Variants in SESTD1 observed in about 807,000 individuals in gnomAD.
SESTD1 encodes the protein SEC14 domain and spectrin repeat-containing protein 1.
SESTD1 carries 43 observed loss-of-function variants against 101.7 expected under a neutral mutation model. The observed-to-expected ratio is 0.42, with a 90% confidence interval of 0.33 to 0.55. The LOEUF is 0.55. Ranked by LOEUF, SESTD1 falls within the 20% of genes least tolerant of loss-of-function variation. The probability of loss-of-function intolerance (pLI) is 0.07; values close to 1 mark genes in which losing one functional copy is unlikely to be tolerated. For missense variants in SESTD1, 647 were observed against 815.1 expected (o/e 0.79, Z 2.51); for synonymous variants, 283 against 286.8 (o/e 0.99, Z 0.13).
intron 10 of SESTD1, among the ~76,000 whole-genome samples, chr2:179,126,212 T>C (rs2044870612): frequency 6.6e-6 from 1 of 152,220 alleles, no homozygotes; most frequent in Admixed American, 6.5e-5. Context: ...TTTTAATCCA[T>C]TCCAATCAGG....
rs141007533 is a variant in SESTD1 at position 179,207,271 on chromosome 2, C to T, written c.-25-15405G>A. On this transcript the variant is annotated intron_variant, in intron 1 of 17. Coordinates refer to ENST00000428443, the MANE Select transcript of SESTD1 (RefSeq NM_178123.5). ...TTGAAAGTGCCACCTCCTGGCTGGA[C>T]GCCAACCAAGTCAAGCCATTACAGT... is the stretch of plus-strand genomic sequence containing the variant. 7.6e-4 allele frequency among the ~76,000 whole-genome samples: 102 copies of T among 135,088 alleles called. 20 individuals are homozygous for T. Among genetic ancestry groups the T allele is most frequent in the Non-Finnish European group, 1.2e-3 (77 of 62,724 alleles). The allele number at this position is 135,088 out of a possible 152,430, so 88.6% of individuals were successfully genotyped here. A position where few individuals can be genotyped will look rare whatever the true frequency, so the allele number is the denominator to read the frequency against.
At chr2:179,126,793 C>T (rs1559102073) in intron 10 of SESTD1, among the ~76,000 whole-genome samples, 1 of 152,048 alleles carries the variant, frequency 6.6e-6, no homozygotes, top group Non-Finnish European at 1.5e-5. Flanking sequence ...GATTCACTAT[C>T]CTCCCAACCT....
chr2:179,227,035 C>T (rs767448208), intron 1 of SESTD1, among the ~76,000 whole-genome samples: 1 of 152,186 alleles, frequency 6.6e-6, no homozygotes, highest in Non-Finnish European at 1.5e-5. Context: ...GGGACATTTA[C>T]TGAAATATTC....
intron 13 of SESTD1, among the ~76,000 whole-genome samples, chr2:179,118,095 C>CA (rs145112169): frequency 0.065 from 9,840 of 152,168 alleles, 344 homozygotes; most frequent in Middle Eastern, 0.13. Context: ...CCCAGCCTCC[C>CA]AAGTAGCTAA....
intron 5 of SESTD1, among the ~76,000 whole-genome samples, chr2:179,151,670 A>G (rs2045533876): frequency 6.6e-6 from 1 of 152,170 alleles, no homozygotes; most frequent in Non-Finnish European, 1.5e-5. Context: ...GTTTCTTTGT[A>G]ATAAAAATCA....
intron 9 of SESTD1, among the ~76,000 whole-genome samples, chr2:179,136,289 C>T (rs2045143160): frequency 6.6e-6 from 1 of 152,118 alleles, no homozygotes; most frequent in Non-Finnish European, 1.5e-5. Flanking sequence ...TAATTGTTAG[C>T]CTCTATGCTT....
At chr2:179,114,821 G>C (rs1166733273) in intron 16 of SESTD1, among the ~76,000 whole-genome samples, 2 of 152,178 alleles carry the variant, frequency 1.3e-5, no homozygotes, top group East Asian at 3.9e-4. Context: ...GAAGTGTAAA[G>C]AGAAGAAGAC....
At chr2:179,162,760 G>C (rs1003658405) in intron 5 of SESTD1, among the ~76,000 whole-genome samples, 2 of 151,218 alleles carry the variant, frequency 1.3e-5, no homozygotes, top group Non-Finnish European at 1.5e-5. Context: ...GGCCGAGGCA[G>C]GTGGATCACA....
intron 5 of SESTD1, among the ~76,000 whole-genome samples, chr2:179,158,672 T>TGC (rs2045675887): frequency 6.6e-6 from 1 of 152,186 alleles, no homozygotes; most frequent in African/African-American, 2.4e-5. Context: ...TAGTTTTAAA[T>TGC]AAGGGAAGGA....
intron 1 of SESTD1, among the ~76,000 whole-genome samples, chr2:179,255,676 A>G (rs1177460345): frequency 6.6e-6 from 1 of 152,270 alleles, no homozygotes; most frequent in East Asian, 1.9e-4. Flanking sequence ...TATGTTATCA[A>G]AAAAATCTAG....
intron 1 of SESTD1, among the ~76,000 whole-genome samples, chr2:179,198,508 T>C (rs1168512593): frequency 6.6e-6 from 1 of 152,126 alleles, no homozygotes; most frequent in Non-Finnish European, 1.5e-5. Context: ...ATACATTTTT[T>C]TCAGCACCAC....
chr2:179,241,643 C>T (rs2047155113), intron 1 of SESTD1, among the ~76,000 whole-genome samples: 1 of 151,562 alleles, frequency 6.6e-6, no homozygotes, highest in South Asian at 2.1e-4. Context: ...AAATTTAGGG[C>T]CGGGCACAGT....
At chr2:179,251,566 G>GCAGT in intron 1 of SESTD1, among the ~76,000 whole-genome samples, 1 of 152,272 alleles carries the variant, frequency 6.6e-6, no homozygotes, top group Middle Eastern at 3.4e-3. Flanking sequence ...AGCAACAACT[G>GCAGT]CAGTGTCCAG....
At chr2:179,234,365 C>A (rs910302594) in intron 1 of SESTD1, among the ~76,000 whole-genome samples, 1 of 152,180 alleles carries the variant, frequency 6.6e-6, no homozygotes, top group African/African-American at 2.4e-5. Context: ...GTGCCCAGAT[C>A]TTGATTTCTA....
Position 179,159,975 on chromosome 2 carries a change from C to G in SESTD1, c.370-8584G>C, listed in dbSNP as rs1416442079. 2.0e-5 allele frequency among the ~76,000 whole-genome samples: 3 copies of G among 152,352 alleles called. No individual in the cohort carries two copies. The South Asian group carries it at 6.2e-4, about 32-fold the overall frequency. On this transcript the variant is annotated intron_variant, in intron 5 of 17. Transcript: ENST00000428443. The stretch of plus-strand genomic sequence containing the variant: ...GTTCAAGCAATTCTCCTGCCTCAGC[C>G]TCCCGAGCAGCTGGGATTACAGGTG...
rs1324662858 is a variant in SESTD1 at position 179,107,332 on chromosome 2, T to C, written c.*2567A>G. 6.6e-6 allele frequency: 1 copy of C among 152,192 alleles called. No individual in the cohort carries two copies. Among genetic ancestry groups the C allele is most frequent in the Non-Finnish European group, 1.5e-5 (1 of 68,018 alleles). 9.4% of individuals were successfully genotyped at this position (152,192 alleles called of 1,614,324 possible). ...TATGTTAAAATCATACTTGGCCTCA[T>C]GTGAAACACTCAATTTACAAGTAAC... On this transcript the variant is annotated 3_prime_UTR_variant, in exon 18 of 18. Coordinates refer to ENST00000428443, the MANE Select transcript of SESTD1 (RefSeq NM_178123.5).
rs2044432041 is a variant in SESTD1 at position 179,108,388 on chromosome 2, T to A, written c.*1511A>T. ...TGTTGCAGAGAAAAGGGTAAGGGAT[T>A]CAGACGGAGAAAAAAACCATTCAGT... On this transcript the variant is annotated 3_prime_UTR_variant, in exon 18 of 18. Coordinates refer to ENST00000428443, the MANE Select transcript of SESTD1 (RefSeq NM_178123.5). 6.6e-6 allele frequency: 1 copy of A among 152,206 alleles called. No homozygotes were observed. The highest frequency in any genetic ancestry group is 1.5e-5 in the Non-Finnish European group (1 of 68,088). The allele number at this position is 152,206 out of a possible 1,614,324, so 9.4% of individuals were successfully genotyped here. A position where few individuals can be genotyped will look rare whatever the true frequency, so the allele number is the denominator to read the frequency against.
intron 1 of SESTD1, among the ~76,000 whole-genome samples, chr2:179,197,211 T>A (rs1297363125): frequency 6.6e-6 from 1 of 151,716 alleles, no homozygotes; most frequent in Non-Finnish European, 1.5e-5. Context: ...GGGTATCAGC[T>A]ATGGAAAATG....
chr2:179,220,882 G>T (rs552789128), intron 1 of SESTD1, among the ~76,000 whole-genome samples: 28 of 152,252 alleles, frequency 1.8e-4, no homozygotes, highest in African/African-American at 6.5e-4. Flanking sequence ...GCCTTCCATT[G>T]AGTTAAGACT....
Sources: gnomAD v4.1 joint callset for allele counts (sites outside exome capture counted in the v4.1 genomes callset) on GRCh38, gnomAD v4.1.1 for gene constraint, MANE v1.5 for transcripts, NCBI Gene and HGNC (gene_info 2026-07-23, HGNC 2026-07-21) for gene names.